Variants in HMBOX1 observed in about 807,000 individuals in gnomAD.
The protein encoded by HMBOX1 is homeobox-containing protein 1.
Under a neutral mutation model 54.5 loss-of-function variants are expected in HMBOX1, and 14 were observed. The observed-to-expected ratio is 0.26, with a 90% CI of 0.17 to 0.40. The LOEUF is 0.40. Ranked by LOEUF, HMBOX1 falls within the 10% of genes least tolerant of loss-of-function variation. The pLI, the probability that HMBOX1 is intolerant of heterozygous loss-of-function variation, is 1.00. For missense variants in HMBOX1, 332 were observed against 514.4 expected (o/e 0.65, Z 3.43); for synonymous variants, 160 against 181.0 (o/e 0.88, Z 0.93).
intron 1 of HMBOX1, among the ~76,000 whole-genome samples, chr8:28,916,533 C>T (rs1816582235): frequency 6.6e-6 from 1 of 152,144 alleles, no homozygotes; most frequent in Admixed American, 6.5e-5. Flanking sequence ...ATATAGATTT[C>T]CACGTGTTCT....
At chr8:28,999,085 T>C (rs529290571) in intron 4 of HMBOX1, among the ~76,000 whole-genome samples, 2 of 152,316 alleles carry the variant, frequency 1.3e-5, no homozygotes, top group African/African-American at 4.8e-5. Flanking sequence ...GTCACTCTTA[T>C]TTCTTCAGGT....
chr8:29,000,841 A>G (rs1403174870), intron 4 of HMBOX1, among the ~76,000 whole-genome samples: 1 of 152,256 alleles, frequency 6.6e-6, no homozygotes, highest in Non-Finnish European at 1.5e-5. Context: ...TGTGACAGGC[A>G]TGGGAGGAGG....
At chr8:28,936,169 G>A (rs907093071) in intron 1 of HMBOX1, among the ~76,000 whole-genome samples, 9 of 151,874 alleles carry the variant, frequency 5.9e-5, no homozygotes, top group South Asian at 2.1e-4. Flanking sequence ...TAAGGGAAGC[G>A]TAAAATTTTT....
chr8:29,009,150 A>T lies in HMBOX1; in HGVS notation c.665A>T (p.Tyr222Phe), dbSNP rs767218188. The change falls in exon 5 of 10, where the codon TAC (tyrosine) becomes TTC (phenylalanine). Residue 222 changes from tyrosine to phenylalanine, a missense_variant. Tyr to Phe is a conservative substitution (Grantham distance 22). Around this residue, in one of 4 missense-constraint regions of HMBOX1, gnomAD observed 117 missense variants for 220.0 expected, o/e 0.53. Coordinates refer to ENST00000287701, the MANE Select transcript of HMBOX1 (RefSeq NM_001135726.3). ...DLSEQKKRAF[Y>F]RWYQLEKTNP... ...AGTGAACAGAAGAAAAGAGCATTTTACCGATGGTATCAACTTGAGAAGACA... is the reference window on the plus strand; with the variant it reads ...AGTGAACAGAAGAAAAGAGCATTTTTCCGATGGTATCAACTTGAGAAGACA... The T allele has an allele frequency of 6.2e-7, 1 of 1,613,448 alleles. No individual in the cohort carries two copies. The highest frequency in any genetic ancestry group is 8.5e-7 in the Non-Finnish European group (1 of 1,179,396).
At chr8:29,020,508 A>G (rs1028567688) in intron 6 of HMBOX1, among the ~76,000 whole-genome samples, 2 of 152,190 alleles carry the variant, frequency 1.3e-5, no homozygotes, top group African/African-American at 4.8e-5. Context: ...GATATTGAGC[A>G]TTTACCCTAT....
intron 1 of HMBOX1, among the ~76,000 whole-genome samples, chr8:28,910,786 T>G (rs753392156): frequency 6.6e-6 from 1 of 152,212 alleles, no homozygotes; most frequent in Non-Finnish European, 1.5e-5. Flanking sequence ...TATATTAATA[T>G]GTTTTGCAGA....
chr8:29,009,771 T>G (rs761819328), intron 5 of HMBOX1: 15 of 1,276,788 alleles, frequency 1.2e-5, no homozygotes, highest in Non-Finnish European at 1.5e-5. Context: ...ACAAAAAAAT[T>G]TATGTCTAGA....
chr8:28,896,915 T>C (rs550285835), intron 1 of HMBOX1, among the ~76,000 whole-genome samples: 2 of 152,244 alleles, frequency 1.3e-5, no homozygotes, highest in East Asian at 3.9e-4. Context: ...ATTTTTTAGA[T>C]GAACCTGACA....
At chr8:28,954,742 C>T (rs1203263931) in intron 1 of HMBOX1, among the ~76,000 whole-genome samples, 1 of 152,106 alleles carries the variant, frequency 6.6e-6, no homozygotes, top group Non-Finnish European at 1.5e-5. Flanking sequence ...TAATGATGTA[C>T]TTACACGTGT....
At chr8:28,903,366 CTT>C (rs563127367) in intron 1 of HMBOX1, among the ~76,000 whole-genome samples, 6 of 152,200 alleles carry the variant, frequency 3.9e-5, no homozygotes, top group Non-Finnish European at 8.8e-5. Flanking sequence ...GTAGGAACCT[CTT>C]GTTTGGTGTT....
chr8:28,980,287 G>T, intron 4 of HMBOX1, 131 bp downstream of exon 4: 1 of 705,306 alleles, frequency 1.4e-6, no homozygotes. Flanking sequence ...ATGTATGCCT[G>T]TGATTTAAAA....
intron 1 of HMBOX1, among the ~76,000 whole-genome samples, chr8:28,951,478 A>G (rs529354684): frequency 6.6e-6 from 1 of 152,346 alleles, no homozygotes; most frequent in African/African-American, 2.4e-5. Flanking sequence ...AATAAAATCA[A>G]TATATAATAT....
intron 8 of HMBOX1, 110 bp downstream of exon 8, chr8:29,047,563 T>C (rs969598468): frequency 8.1e-6 from 4 of 490,978 alleles, no homozygotes; most frequent in African/African-American, 2.2e-5. Flanking sequence ...TCCTAACTTC[T>C]CTTTTTTTTT....
rs551464126 is a variant in HMBOX1 at position 29,023,744 on chromosome 8, C to A, written c.851+4831C>A. On this transcript the variant is annotated intron_variant, in intron 6 of 9. Transcript: ENST00000287701. Reference sequence around the variant, plus strand: ...AGATTGATCAGTGAATTCAGTGTTACCTTCTTGATTCACTTATTAAAAAAT... The same window carrying A: ...AGATTGATCAGTGAATTCAGTGTTAACTTCTTGATTCACTTATTAAAAAAT... Among the ~76,000 whole-genome samples the A allele has an allele frequency of 7.2e-5, 11 of 152,196 alleles. No homozygotes were observed. The East Asian group carries it at 2.1e-3, about 29-fold the overall frequency.
intron 4 of HMBOX1, among the ~76,000 whole-genome samples, chr8:28,981,338 G>A (rs1447784995): frequency 2.6e-5 from 4 of 152,112 alleles, no homozygotes; most frequent in Non-Finnish European, 4.4e-5. Context: ...AGGACAGTGC[G>A]TTAGTTTAAT....
intron 4 of HMBOX1, among the ~76,000 whole-genome samples, chr8:28,982,775 G>C (rs1829585352): frequency 6.6e-6 from 1 of 152,048 alleles, no homozygotes; most frequent in Non-Finnish European, 1.5e-5. Context: ...ACAGGCACTT[G>C]CCACCACGCC....
intron 6 of HMBOX1, among the ~76,000 whole-genome samples, chr8:29,041,755 T>C (rs1166765800): frequency 6.6e-6 from 1 of 152,112 alleles, no homozygotes; most frequent in Non-Finnish European, 1.5e-5. Flanking sequence ...TACAGAGTTA[T>C]TCCATTTTCC....
At chr8:28,946,155 G>C (rs1822411828) in intron 1 of HMBOX1, among the ~76,000 whole-genome samples, 1 of 151,750 alleles carries the variant, frequency 6.6e-6, no homozygotes, top group Admixed American at 6.6e-5. Context: ...GTTTCACCAA[G>C]TTGGCCAGGC....
intron 4 of HMBOX1, among the ~76,000 whole-genome samples, chr8:29,005,705 C>G (rs1442187047): frequency 1.3e-5 from 2 of 152,170 alleles, no homozygotes; most frequent in African/African-American, 4.8e-5. Flanking sequence ...ATAAACTTTC[C>G]TCATTCTAAC....
Sources: allele counts gnomAD v4.1 joint callset (sites outside exome capture counted in the v4.1 genomes callset), GRCh38; gene constraint gnomAD v4.1.1; regional missense constraint gnomAD v4.1.1; transcripts MANE v1.5; gene names NCBI Gene and HGNC (gene_info 2026-07-23, HGNC 2026-07-21).